The following SH2D6 variants were observed in gnomAD, a reference collection of about 807,000 sequenced individuals.
The protein encoded by SH2D6 is SH2 domain containing 6, also known as SH2 domain-containing protein 6.
Under a neutral mutation model 30.2 loss-of-function variants are expected in SH2D6, and 31 were observed. The ratio of observed to expected loss-of-function variants is 1.03; its 90% confidence interval spans 0.77 to 1.38. SH2D6 has a LOEUF of 1.38. Among genes scored for constraint, SH2D6 ranks in the 40% most tolerant of loss-of-function variants. The probability of loss-of-function intolerance (pLI) is 0.00; values close to 1 mark genes in which losing one functional copy is unlikely to be tolerated. For synonymous variants in SH2D6, 93 were observed against 104.6 expected (o/e 0.89, Z 0.68); for missense variants, 240 against 266.8 (o/e 0.90, Z 0.70).
At chr2:85,434,233 G>A (rs949674748) in intron 17 of SH2D6, 107 bp from the exon 18 acceptor site, 1 of 1,510,316 alleles carries the variant, frequency 6.6e-7, no homozygotes, top group Non-Finnish European at 8.9e-7. Context: ...CTGTCCCATG[G>A]TTGTTGGCAG....
chr2:85,435,335 A>G (rs890002724), intron 20 of SH2D6, 78 bp from the exon 21 acceptor site: 95 of 1,488,900 alleles, frequency 6.4e-5, no homozygotes, highest in Non-Finnish European at 8.5e-5. Flanking sequence ...AACATAAATA[A>G]CTGCACCCTG....
chr2:85,433,002 C>T (rs976422705), intron 14 of SH2D6, 97 bp from the exon 15 acceptor site: 37 of 952,216 alleles, frequency 3.9e-5, no homozygotes, highest in South Asian at 4.8e-5. Context: ...TCCTCGGAGG[C>T]ACCCTAAGGA....
chr2:85,421,372 G>T (rs1231279860), intron 2 of SH2D6: 2 of 152,288 alleles, frequency 1.3e-5, no homozygotes, highest in African/African-American at 4.8e-5. Context: ...TCGGGGGATT[G>T]TGCCTCAGCC....
At chr2:85,427,112 G>C (rs868838253) in intron 6 of SH2D6, among the ~76,000 whole-genome samples, 1 of 152,212 alleles carries the variant, frequency 6.6e-6, no homozygotes, top group African/African-American at 2.4e-5. Context: ...ACCACTGTGT[G>C]TTTTCTGAGG....
intron 5 of SH2D6, among the ~76,000 whole-genome samples, chr2:85,423,527 CT>C (rs1687829892): frequency 6.6e-6 from 1 of 152,214 alleles, no homozygotes; most frequent in Non-Finnish European, 1.5e-5. Flanking sequence ...GCCACTGCAC[CT>C]GGCCAACAAA....
chr2:85,433,965 C>A, intron 16 of SH2D6, 68 bp from the exon 17 acceptor site: 3 of 1,364,992 alleles, frequency 2.2e-6, no homozygotes, highest in Non-Finnish European at 3.0e-6. Flanking sequence ...GTTCTCAGCC[C>A]TGCCCTGGTC....
In SH2D6 at chr2:85,433,058, C is replaced by T. The variant is rs1223564404; in HGVS notation, c.371-41C>T. 1.0e-5 allele frequency: 10 copies of T among 985,808 alleles called. No homozygotes were observed. The East Asian group carries it at 1.1e-3, about 112-fold the overall frequency. 61.1% of individuals were successfully genotyped at this position (985,808 alleles called of 1,614,324 possible). On this transcript the variant is annotated intron_variant, in intron 14 of 23. Transcript: ENST00000469800. ...AGTCCCGCTGAATTCCTTTCTGCTC[C>T]CTGCCGTGCATGACAGGTGGTTCTC...
rs549717392 is a variant in SH2D6 at position 85,430,729 on chromosome 2, A to G, written c.250+77A>G. 6.6e-6 allele frequency: 1 copy of G among 152,580 alleles called. No homozygotes were observed. The highest frequency in any genetic ancestry group is 1.9e-4 in the East Asian group (1 of 5,148). The allele number at this position is 152,580 out of a possible 1,614,324, so 9.5% of individuals were successfully genotyped here. ...GAGGGTCCCCACAAGACAAGAGGAC[A>G]TAGGCCTCGCCTCTCCTCCCCTGCC... On this transcript the variant is annotated intron_variant, in intron 12 of 23. Coordinates refer to ENST00000469800, the MANE Select transcript of SH2D6 (RefSeq NM_001394463.1). This position sits in a 1 kb window ranked among gnomAD's most constrained non-coding sequence, Gnocchi z 4.3.
intron 23 of SH2D6, 60 bp from the exon 24 acceptor site, chr2:85,436,777 A>C (rs1455144799): frequency 3.5e-6 from 2 of 563,440 alleles, no homozygotes; most frequent in Admixed American, 3.1e-5. Flanking sequence ...GCTCACCTAG[A>C]GCCTTCCACT....
chr2:85,434,549 A>G lies in SH2D6; in HGVS notation c.589+52A>G, dbSNP rs531870369. The stretch of plus-strand genomic sequence containing the variant: ...TGAGTTATCCCAACTGATTGTTCAC[A>G]GTCAGTTACAGATCAAACTCCTTGT... On this transcript the variant is annotated intron_variant, in intron 19 of 23. Coordinates refer to ENST00000469800, the MANE Select transcript of SH2D6 (RefSeq NM_001394463.1). 53 of 1,545,158 alleles carry G rather than the reference A, an allele frequency of 3.4e-5. No homozygotes were observed. The South Asian group carries it at 5.4e-4, about 16-fold the overall frequency.
At chr2:85,432,489 C>T (rs71411824) in intron 14 of SH2D6, among the ~76,000 whole-genome samples, 1,623 of 151,754 alleles carry the variant, frequency 0.011, 22 homozygotes, top group Non-Finnish European at 0.017. Context: ...AGGCTCCGCC[C>T]CCTGGGGTTC....
In SH2D6 at chr2:85,431,196, G is replaced by T. The variant is rs1414795522; in HGVS notation, c.251-14G>T. 7.4e-6 allele frequency: 1 copy of T among 135,296 alleles called. No individual in the cohort carries two copies. Among genetic ancestry groups the T allele is most frequent in the Non-Finnish European group, 1.6e-5 (1 of 63,200 alleles). 8.4% of individuals were successfully genotyped at this position (135,296 alleles called of 1,614,324 possible). The stretch of plus-strand genomic sequence containing the variant: ...AGGAACCCACCAACTCACAACAAAT[G>T]CGATCTTTTCCAGATCACTCTGGCC... On this transcript the variant is annotated splice_polypyrimidine_tract_variant and intron_variant, in intron 12 of 23. Coordinates refer to ENST00000469800, the MANE Select transcript of SH2D6 (RefSeq NM_001394463.1).
chr2:85,422,746 G>A (rs1687791078), intron 5 of SH2D6, 56 bp downstream of exon 5: 1 of 152,534 alleles, frequency 6.6e-6, no homozygotes, highest in Admixed American at 6.5e-5. Context: ...GGATGCTGCT[G>A]TCTGGGACAC....
intron 6 of SH2D6, among the ~76,000 whole-genome samples, chr2:85,427,267 G>A (rs557228716): frequency 6.6e-6 from 1 of 152,358 alleles, no homozygotes; most frequent in East Asian, 1.9e-4. Context: ...TTCAAAATGT[G>A]AGTTTCTAGT....
chr2:85,425,928 C>T lies in SH2D6; in HGVS notation c.-209+521C>T, dbSNP rs183742239. Among the ~76,000 whole-genome samples, 74 of 152,276 alleles carry T rather than the reference C, an allele frequency of 4.9e-4. 1 individual carries two copies. Among genetic ancestry groups the T allele is most frequent in the African/African-American group, 1.7e-3 (69 of 41,540 alleles). On this transcript the variant is annotated intron_variant, in intron 6 of 23. Transcript: ENST00000469800. ...CTGGCTGGCAGACCCTGCACCTCAG[C>T]GGCAAGGGGAGGCTGGGAAGGCCTC...
At chr2:85,418,965 G>T (rs1221647748) in intron 1 of SH2D6, 35 bp downstream of exon 1, 1 of 152,384 alleles carries the variant, frequency 6.6e-6, no homozygotes, top group African/African-American at 2.4e-5. Context: ...GGTGGGTGGG[G>T]GGTTGGGCCC....
At position 85,436,510 on chromosome 2, in the gene SH2D6, C is replaced by G. The variant is rs1302375334; in HGVS notation, c.936C>G (p.His312Gln). The G allele has an allele frequency of 6.2e-7, 1 of 1,613,620 alleles. No individual in the cohort carries two copies. The highest frequency in any genetic ancestry group is 1.3e-5 in the African/African-American group (1 of 74,932). Residue 312 changes from histidine (H) to glutamine (Q), a missense_variant, in exon 23 of 24, where the codon CAC becomes CAG. Physicochemically the swap from His to Gln is conservative, Grantham distance 24. Coordinates refer to ENST00000469800, the MANE Select transcript of SH2D6 (RefSeq NM_001394463.1). ...VAAMVQHFMW[H>Q]PLPLVDRHSG... Reference sequence around the variant, plus strand: ...CCATGGTCCAGCACTTCATGTGGCACCCTCTGCCCCTTGTGGACAGACACA... The same window carrying G: ...CCATGGTCCAGCACTTCATGTGGCAGCCTCTGCCCCTTGTGGACAGACACA...
intron 6 of SH2D6, among the ~76,000 whole-genome samples, chr2:85,426,005 A>G (rs1688018939): frequency 6.6e-6 from 1 of 152,128 alleles, no homozygotes; most frequent in Non-Finnish European, 1.5e-5. Flanking sequence ...GAACTCCCCA[A>G]ATGTAAAGCA....
chr2:85,431,234 C>G lies in SH2D6; in HGVS notation c.275C>G (p.Ser92Ter), dbSNP rs965307249. Residue 92 changes from serine to a stop codon, truncating the protein, a stop_gained, in exon 13 of 24, where the codon TCA (serine) becomes TGA (stop). Coordinates refer to ENST00000469800, the MANE Select transcript of SH2D6 (RefSeq NM_001394463.1). LOFTEE classifies it high-confidence loss of function. ...GATCACTCTGGCCCCCTGGGTCCATCAAAGCCATCGCCACCCCTGCCTCAG... is the reference window on the plus strand; with the variant it reads ...GATCACTCTGGCCCCCTGGGTCCATGAAAGCCATCGCCACCCCTGCCTCAG... ...YLDHSGPLGP[S>*]KPSPPLPQPT... 3 of 152,706 alleles carry G rather than the reference C, an allele frequency of 2.0e-5. No individual in the cohort carries two copies. Among genetic ancestry groups the G allele is most frequent in the African/African-American group, 7.2e-5 (3 of 41,434 alleles). 9.5% of individuals were successfully genotyped at this position (152,706 alleles called of 1,614,324 possible).
Sources: gnomAD v4.1 joint callset for allele counts (sites outside exome capture counted in the v4.1 genomes callset) on GRCh38, gnomAD v4.1.1 for gene constraint, Gnocchi (gnomAD v3.1) non-coding constraint, MANE v1.5 for transcripts, NCBI Gene and HGNC (gene_info 2026-07-23, HGNC 2026-07-21) for gene names.